KIRREL1: variants seen among roughly 807,000 people sequenced by gnomAD.
The protein encoded by KIRREL1 is kin of IRRE-like protein 1.
A neutral mutation model predicts 83.3 loss-of-function variants in KIRREL1; 25 were observed. The observed-to-expected ratio is 0.30, with a 90% confidence interval of 0.22 to 0.42. The LOEUF (loss-of-function observed/expected upper bound fraction) is 0.42. Ranked by LOEUF, KIRREL1 falls within the 10% of genes least tolerant of loss-of-function variation. KIRREL1 has a pLI of 1.00. For missense variants in KIRREL1, 812 were observed against 1,032.3 expected, an observed-to-expected ratio of 0.79 and a Z score of 2.92; for synonymous variants, 388 against 410.4, an observed-to-expected ratio of 0.95 and a Z score of 0.66.
chr1:158,091,322 C>G, intron 10 of KIRREL1, 36 bp from the exon 11 acceptor site: 1 of 1,595,728 alleles, frequency 6.3e-7, no homozygotes, highest in Non-Finnish European at 8.6e-7. Context: ...TGCCCCCTGC[C>G]CCTTTCTTAC....
At chr1:158,009,061 G>A (rs528369379) in intron 1 of KIRREL1, among the ~76,000 whole-genome samples, 2 of 152,172 alleles carry the variant, frequency 1.3e-5, no homozygotes, top group South Asian at 4.2e-4. Flanking sequence ...GAATTGAGAG[G>A]CCCAAGAGAC....
At chr1:158,018,045 G>T (rs897334637) in intron 1 of KIRREL1, among the ~76,000 whole-genome samples, 1 of 152,202 alleles carries the variant, frequency 6.6e-6, no homozygotes, top group South Asian at 2.1e-4. Context: ...CTTGAGAGTT[G>T]AAGGAAATCT....
intron 1 of KIRREL1, among the ~76,000 whole-genome samples, chr1:158,040,705 C>G (rs796248541): frequency 6.6e-6 from 1 of 152,190 alleles, no homozygotes; most frequent in East Asian, 1.9e-4. Context: ...AAAATGGGAA[C>G]AGGCATTTCC....
Position 157,993,651 on chromosome 1 carries a change from G to C in KIRREL1, c.-26G>C, listed in dbSNP as rs905220074. The C allele has an allele frequency of 4.6e-5, 68 of 1,467,676 alleles. 1 individual carries two copies. Among genetic ancestry groups the C allele is most frequent in the Non-Finnish European group, 6.2e-5 (68 of 1,105,460 alleles). 90.9% of individuals were successfully genotyped at this position (1,467,676 alleles called of 1,614,324 possible). On this transcript the variant is annotated 5_prime_UTR_variant, in exon 1 of 15. Transcript: ENST00000359209. ...CTCGCCAACTCCGGGCCCCAGCCGC[G>C]GGCGGGCGCACGGCGGGCGGACAGC...
At chr1:158,025,650 A>C (rs1571546322) in intron 1 of KIRREL1, 1 of 152,998 alleles carries the variant, frequency 6.5e-6, no homozygotes, top group Non-Finnish European at 1.5e-5. Context: ...AGATGCAGCC[A>C]AGAGCAGCAC....
chr1:158,083,072 C>T (rs1188260433), intron 3 of KIRREL1, among the ~76,000 whole-genome samples: 1 of 152,166 alleles, frequency 6.6e-6, no homozygotes, highest in Non-Finnish European at 1.5e-5. Flanking sequence ...CAGAAGCAGC[C>T]GCTACCCTCA....
intron 1 of KIRREL1, among the ~76,000 whole-genome samples, chr1:158,064,746 G>A (rs1661315130): frequency 1.3e-5 from 2 of 152,120 alleles, no homozygotes. Flanking sequence ...GGCATGTCTA[G>A]TGTCTGCCAA....
At chr1:157,996,416 G>A (rs1659203911) in intron 1 of KIRREL1, among the ~76,000 whole-genome samples, 1 of 152,126 alleles carries the variant, frequency 6.6e-6, no homozygotes, top group Non-Finnish European at 1.5e-5. Flanking sequence ...TCAGAGCAAT[G>A]TGGGATGACA....
chr1:158,062,795 G>T (rs1661249422), intron 1 of KIRREL1, among the ~76,000 whole-genome samples: 1 of 152,210 alleles, frequency 6.6e-6, no homozygotes, highest in Non-Finnish European at 1.5e-5. Flanking sequence ...ACATTATCAG[G>T]CTGACACACA....
chr1:158,004,112 T>C (rs1659448805), intron 1 of KIRREL1, among the ~76,000 whole-genome samples: 2 of 152,224 alleles, frequency 1.3e-5, no homozygotes, highest in African/African-American at 2.4e-5. Context: ...CCAAGTCACT[T>C]ACTTGGAGCC....
intron 1 of KIRREL1, among the ~76,000 whole-genome samples, chr1:158,041,316 T>C (rs572089122): frequency 1.8e-4 from 27 of 152,268 alleles, no homozygotes; most frequent in African/African-American, 6.5e-4. Context: ...ACAGACAACT[T>C]CGTAAGGTGG....
intron 1 of KIRREL1, among the ~76,000 whole-genome samples, chr1:158,014,814 CTG>C (rs968657727): frequency 6.6e-6 from 1 of 151,976 alleles, no homozygotes; most frequent in African/African-American, 2.4e-5. Flanking sequence ...AGGCCCACCT[CTG>C]TGTTAACTGC....
intron 1 of KIRREL1, among the ~76,000 whole-genome samples, chr1:158,037,546 C>T (rs909020307): frequency 4.0e-5 from 6 of 150,220 alleles, no homozygotes; most frequent in Non-Finnish European, 8.9e-5. Context: ...TCTCAGGGGT[C>T]GTGAGCATTA....
intron 1 of KIRREL1, among the ~76,000 whole-genome samples, chr1:158,049,503 G>A (rs1299543488): frequency 6.6e-6 from 1 of 152,198 alleles, no homozygotes; most frequent in Admixed American, 6.5e-5. Flanking sequence ...TAAAGTGCAC[G>A]TTGACCAGGG....
Position 158,096,237 on chromosome 1 carries a change from C to T in KIRREL1, c.*1117C>T, listed in dbSNP as rs1662352261. 5 of 238,962 alleles carry T rather than the reference C, an allele frequency of 2.1e-5. No individual in the cohort carries two copies. In the South Asian group the frequency reaches 2.9e-4, roughly 14 times the overall value. The allele number at this position is 238,962 out of a possible 1,614,324, so 14.8% of individuals were successfully genotyped here. On this transcript the variant is annotated 3_prime_UTR_variant, in exon 15 of 15. Coordinates refer to ENST00000359209, the MANE Select transcript of KIRREL1 (RefSeq NM_018240.7). The stretch of plus-strand genomic sequence containing the variant: ...ATTTTTAAACATTCAGGTTGCCAGA[C>T]CTGTCACACAGTGGACTCTGATAGG...
chr1:158,095,277 G>A lies in KIRREL1; in HGVS notation c.*157G>A, dbSNP rs922496663. 1.1e-5 allele frequency: 7 copies of A among 619,624 alleles called. No homozygotes were observed. The highest frequency in any genetic ancestry group is 2.0e-5 in the South Asian group (1 of 50,086). The allele number at this position is 619,624 out of a possible 1,614,324, so 38.4% of individuals were successfully genotyped here. On this transcript the variant is annotated 3_prime_UTR_variant, in exon 15 of 15. Transcript: ENST00000359209. Reference sequence around the variant, plus strand: ...GGAGCAGGTCTCCCAGAAACACCCCGTCCCGAGGATGGTGCTCTGTGCATG... The same window carrying A: ...GGAGCAGGTCTCCCAGAAACACCCCATCCCGAGGATGGTGCTCTGTGCATG...
intron 1 of KIRREL1, among the ~76,000 whole-genome samples, chr1:158,003,635 G>A (rs772825785): frequency 9.2e-5 from 14 of 152,084 alleles, no homozygotes; most frequent in Non-Finnish European, 1.8e-4. Flanking sequence ...ATTCACCCCC[G>A]GGGCAGCTAC....
At chr1:157,993,932 G>T (rs1388845987) in intron 1 of KIRREL1, among the ~76,000 whole-genome samples, 2 of 152,098 alleles carry the variant, frequency 1.3e-5, no homozygotes, top group Non-Finnish European at 2.9e-5. Context: ...TGAGTTTGCC[G>T]TTGATTTGCC....
intron 1 of KIRREL1, among the ~76,000 whole-genome samples, chr1:158,012,399 T>C (rs953998574): frequency 6.6e-6 from 1 of 152,044 alleles, no homozygotes; most frequent in African/African-American, 2.4e-5. Context: ...TTCACCTCTT[T>C]GTAGGAGAAC....
Sources: gnomAD v4.1 joint callset for allele counts (sites outside exome capture counted in the v4.1 genomes callset) on GRCh38, gnomAD v4.1.1 for gene constraint, MANE v1.5 for transcripts, NCBI Gene and HGNC (gene_info 2026-07-23, HGNC 2026-07-21) for gene names.